TTC7A: variants seen among roughly 807,000 people sequenced by gnomAD.
TTC7A encodes tetratricopeptide repeat domain 7A.
Under a neutral mutation model 103.7 loss-of-function variants are expected in TTC7A, and 110 were observed. The ratio of observed to expected loss-of-function variants is 1.06; its 90% CI spans 0.91 to 1.24. TTC7A has a LOEUF of 1.24. Ranked by LOEUF, TTC7A falls within the 50% of genes most tolerant of loss-of-function variation. TTC7A has a pLI of 0.00. For synonymous variants in TTC7A, 521 were observed against 467.9 expected (o/e 1.11, Z -1.47); for missense variants, 1,340 against 1,116.3 (o/e 1.20, Z -2.86).
At chr2:47,010,817 A>C (rs921599271) in intron 10 of TTC7A, among the ~76,000 whole-genome samples, 2 of 152,212 alleles carry the variant, frequency 1.3e-5, no homozygotes, top group African/African-American at 4.8e-5. Context: ...CTCGTGTCTC[A>C]GCCTCCTGAG....
chr2:46,987,647 G>T (rs1466321409), intron 5 of TTC7A, among the ~76,000 whole-genome samples: 1 of 152,198 alleles, frequency 6.6e-6, no homozygotes, highest in Non-Finnish European at 1.5e-5. Flanking sequence ...TGGGCAGCAG[G>T]TTTTGTGCTT....
chr2:46,945,921 G>C (rs1371499429), intron 1 of TTC7A, among the ~76,000 whole-genome samples: 1 of 152,200 alleles, frequency 6.6e-6, no homozygotes, highest in African/African-American at 2.4e-5. Flanking sequence ...GTGCCCGTTT[G>C]CCCCAGCGGG....
In TTC7A at chr2:47,073,754, G is replaced by T. The variant is rs146165942; in HGVS notation, c.2408G>T (p.Arg803Leu). 6.8e-6 allele frequency: 11 copies of T among 1,613,860 alleles called. No homozygotes were observed. The highest frequency in any genetic ancestry group is 1.7e-5 in the Admixed American group (1 of 60,034). Residue 803 changes from arginine (R) to leucine (L), a missense_variant, in exon 20 of 20, where the codon CGT (arginine) becomes CTT (leucine). Arg to Leu is a moderately radical substitution (Grantham distance 102). Transcript: ENST00000319190. ...GHKSLAQKVLRDAVERQSTCH... is the reference protein window; with the variant it reads ...GHKSLAQKVLLDAVERQSTCH... Reference sequence around the variant, plus strand: ...AAGAGCTTGGCCCAGAAGGTGCTTCGTGATGCCGTGGAGAGGCAGAGTACG... The same window carrying T: ...AAGAGCTTGGCCCAGAAGGTGCTTCTTGATGCCGTGGAGAGGCAGAGTACG...
chr2:46,916,429 A>G (rs1668793598), exon 1 of TTC7A: 1 of 152,466 alleles, frequency 6.6e-6, no homozygotes. Context: ...CGTTCGTGAA[A>G]TCAGCAGCTT....
chr2:46,920,532 T>A (rs564353021), intron 2 of TTC7A, among the ~76,000 whole-genome samples: 2 of 151,960 alleles, frequency 1.3e-5, no homozygotes, highest in African/African-American at 4.8e-5. Flanking sequence ...GGTTTCACCA[T>A]GTTGGCCAGG....
intron 15 of TTC7A, among the ~76,000 whole-genome samples, chr2:47,037,917 G>T (rs1381459266): frequency 4.6e-5 from 7 of 152,114 alleles, no homozygotes; most frequent in Non-Finnish European, 2.9e-5. Flanking sequence ...GCAATCCTCA[G>T]GGTAAATAGA....
At chr2:46,962,128 C>T (rs1572735493) in intron 3 of TTC7A, among the ~76,000 whole-genome samples, 1 of 152,206 alleles carries the variant, frequency 6.6e-6, no homozygotes, top group South Asian at 2.1e-4. Context: ...TGAAGCCCCA[C>T]CTGTCTGCCT....
chr2:47,031,641 G>A (rs1680551072), intron 15 of TTC7A, among the ~76,000 whole-genome samples: 2 of 152,248 alleles, frequency 1.3e-5, no homozygotes, highest in African/African-American at 4.8e-5. Context: ...TGATGCAGGC[G>A]GGAGCACCGC....
At chr2:46,969,485 C>T (rs912033455) in intron 3 of TTC7A, among the ~76,000 whole-genome samples, 3 of 151,952 alleles carry the variant, frequency 2.0e-5, no homozygotes, top group Admixed American at 6.5e-5. Context: ...CCAGCCTGGG[C>T]GACAGTGCAA....
chr2:47,042,330 C>T (rs552424932), intron 15 of TTC7A, among the ~76,000 whole-genome samples: 2 of 152,066 alleles, frequency 1.3e-5, no homozygotes, highest in South Asian at 2.1e-4. Context: ...AGTGAGACCC[C>T]GTCTAACAAA....
chr2:46,967,873 G>T (rs950468143), intron 3 of TTC7A, among the ~76,000 whole-genome samples: 1 of 151,720 alleles, frequency 6.6e-6, no homozygotes, highest in Admixed American at 6.6e-5. Context: ...CTGGCCTTTC[G>T]GTTTCCCCCC....
intron 15 of TTC7A, among the ~76,000 whole-genome samples, chr2:47,031,390 G>A (rs1009358743): frequency 6.6e-5 from 10 of 152,292 alleles, no homozygotes; most frequent in African/African-American, 1.9e-4. Flanking sequence ...AGCTCCATCT[G>A]CGCACCTCTC....
intron 1 of TTC7A, among the ~76,000 whole-genome samples, chr2:46,948,529 AC>A (rs1221493412): frequency 6.6e-6 from 1 of 150,900 alleles, no homozygotes; most frequent in Non-Finnish European, 1.5e-5. Context: ...TCAGAACGAA[AC>A]CCCCCTGCGA....
At chr2:47,021,152 C>T (rs1214581879) in intron 11 of TTC7A, among the ~76,000 whole-genome samples, 1 of 152,220 alleles carries the variant, frequency 6.6e-6, no homozygotes, top group African/African-American at 2.4e-5. Flanking sequence ...CCAGGCATGC[C>T]ATTTCCTGGG....
At position 47,023,986 on chromosome 2, in the gene TTC7A, A is replaced by G. The variant is rs919880; in HGVS notation, c.1569-301A>G. 0.48 allele frequency among the ~76,000 whole-genome samples: 72,555 copies of G among 151,196 alleles called. 18,182 individuals are homozygous for G. Among genetic ancestry groups the G allele is most frequent in the East Asian group, 0.82 (4,200 of 5,094 alleles). On this transcript the variant is annotated intron_variant, in intron 13 of 19. Coordinates refer to ENST00000319190, the MANE Select transcript of TTC7A (RefSeq NM_020458.4). Reference sequence around the variant, plus strand: ...CACTCCCTCTCTGCCCATGGGTTGTATATTCATCCCATCGTCTTTCTTCTT... The same window carrying G: ...CACTCCCTCTCTGCCCATGGGTTGTGTATTCATCCCATCGTCTTTCTTCTT...
At chr2:46,994,156 C>T in intron 6 of TTC7A, 1 of 604,590 alleles carries the variant, frequency 1.7e-6, no homozygotes, top group Non-Finnish European at 2.9e-6. Context: ...CCGTCTGAGG[C>T]CAGCAGAGGG....
intron 2 of TTC7A, among the ~76,000 whole-genome samples, chr2:46,934,416 G>A (rs1172515937): frequency 2.0e-5 from 3 of 152,048 alleles, no homozygotes; most frequent in South Asian, 4.1e-4. Context: ...ATGCCACCAC[G>A]CCCAGCTAAT....
intron 11 of TTC7A, among the ~76,000 whole-genome samples, chr2:47,020,440 CT>C (rs1276479767): frequency 6.6e-6 from 1 of 152,220 alleles, no homozygotes; most frequent in African/African-American, 2.4e-5. Flanking sequence ...CGACTATGGC[CT>C]CCCATAAGCC....
Position 46,941,859 on chromosome 2 carries a change from C to T in TTC7A, c.184+134C>T, listed in dbSNP as rs2103891662. On this transcript the variant is annotated intron_variant, in intron 1 of 19. Transcript: ENST00000319190. The surrounding 1 kb of genome is among the most constrained non-coding windows in gnomAD (Gnocchi z 4.2). ...CCACCGTGCTAGTCTTAAGAGCAGC[C>T]AGGGCAGTTAGGAAGGTCCTTCTGC... is the stretch of plus-strand genomic sequence containing the variant. 2 of 1,185,512 alleles carry T rather than the reference C, an allele frequency of 1.7e-6. No homozygotes were observed. Among genetic ancestry groups the T allele is most frequent in the East Asian group, 2.6e-5 (1 of 38,674 alleles). The allele number at this position is 1,185,512 out of a possible 1,614,324, so 73.4% of individuals were successfully genotyped here. A position where few individuals can be genotyped will look rare whatever the true frequency, so the allele number is the denominator to read the frequency against.
Sources: gnomAD v4.1 joint callset for allele counts (sites outside exome capture counted in the v4.1 genomes callset) on GRCh38, gnomAD v4.1.1 for gene constraint, Gnocchi (gnomAD v3.1) non-coding constraint, MANE v1.5 for transcripts, NCBI Gene and HGNC (gene_info 2026-07-23, HGNC 2026-07-21) for gene names.